Variants in VWA8 observed in about 807,000 individuals in gnomAD.
VWA8 encodes the protein von Willebrand factor A domain-containing protein 8.
Under a neutral mutation model 241.5 loss-of-function variants are expected in VWA8, and 221 were observed. The observed-to-expected ratio is 0.91, with a 90% CI of 0.82 to 1.02. VWA8 has a LOEUF of 1.02. Among genes scored for constraint, VWA8 ranks in the 50% least tolerant of loss-of-function variants. The pLI is 0.00. For missense variants in VWA8, 2,322 were observed against 2,328.7 expected (o/e 1.00, Z 0.06); for synonymous variants, 852 against 827.1 (o/e 1.03, Z -0.52).
At chr13:41,719,793 T>C in intron 25 of VWA8, 51 bp from the exon 26 acceptor site, 1 of 1,494,306 alleles carries the variant, frequency 6.7e-7, no homozygotes, top group Non-Finnish European at 9.1e-7. Context: ...ATATACAACA[T>C]TATAAAGATT....
At chr13:41,730,727 A>G (rs2137863202) in intron 22 of VWA8, among the ~76,000 whole-genome samples, 1 of 152,274 alleles carries the variant, frequency 6.6e-6, no homozygotes, top group South Asian at 2.1e-4. Context: ...TGAAAATCTC[A>G]AGATTTTTAA....
At chr13:41,698,030 A>G (rs2045226398) in intron 29 of VWA8, among the ~76,000 whole-genome samples, 3 of 152,042 alleles carry the variant, frequency 2.0e-5, no homozygotes, top group Admixed American at 6.6e-5. Context: ...TCACCTCTCT[A>G]AAATCTTTGT....
chr13:41,896,823 A>G (rs1166241362), intron 4 of VWA8, among the ~76,000 whole-genome samples: 1 of 152,188 alleles, frequency 6.6e-6, no homozygotes, highest in Non-Finnish European at 1.5e-5. Flanking sequence ...CAAAATGATA[A>G]GCTTATGGAG....
intron 28 of VWA8, among the ~76,000 whole-genome samples, chr13:41,699,498 A>C (rs1371122756): frequency 6.6e-6 from 1 of 152,170 alleles, no homozygotes; most frequent in Non-Finnish European, 1.5e-5. Flanking sequence ...TTGGTTATCT[A>C]TTTGTTCCCC....
intron 38 of VWA8, among the ~76,000 whole-genome samples, chr13:41,614,574 T>C (rs1042658589): frequency 2.0e-5 from 3 of 152,232 alleles, no homozygotes; most frequent in Non-Finnish European, 2.9e-5. Flanking sequence ...ATTTCTGGCA[T>C]GATCCCAAGG....
At chr13:41,855,378 A>C (rs1231688499) in intron 12 of VWA8, among the ~76,000 whole-genome samples, 2 of 145,754 alleles carry the variant, frequency 1.4e-5, no homozygotes, top group Non-Finnish European at 3.0e-5. Flanking sequence ...ATATTATATA[A>C]AATATATTTA....
In VWA8 at chr13:41,585,429, A is replaced by T. The variant is rs1326614719; in HGVS notation, c.5271+2083T>A. ...TTCCTAATGAATTTTCTTTCTAAAA[A>T]CTTGGGAGTATTTCACATGTCAGAG... On this transcript the variant is annotated intron_variant, in intron 42 of 44. Transcript: ENST00000379310. Among the ~76,000 whole-genome samples the T allele has an allele frequency of 3.1e-4, 45 of 146,916 alleles. No homozygotes were observed. The Admixed American group carries it at 3.2e-3, about 11-fold the overall frequency.
At chr13:41,806,573 C>T (rs920559238) in intron 17 of VWA8, among the ~76,000 whole-genome samples, 4 of 152,030 alleles carry the variant, frequency 2.6e-5, no homozygotes, top group Admixed American at 2.0e-4. Flanking sequence ...CATGGTGGCA[C>T]GTGCCTGTAG....
At chr13:41,873,965 A>G (rs1367512797) in intron 9 of VWA8, among the ~76,000 whole-genome samples, 3 of 152,238 alleles carry the variant, frequency 2.0e-5, no homozygotes, top group African/African-American at 7.2e-5. Context: ...ATCCAGCAGC[A>G]TATCAAAAAG....
At chr13:41,946,237 C>G (rs77454770) in intron 2 of VWA8, among the ~76,000 whole-genome samples, 5,979 of 151,578 alleles carry the variant, frequency 0.039, 186 homozygotes, top group Non-Finnish European at 0.061. Context: ...TGATAATTCA[C>G]CACTAGCAAA....
chr13:41,944,139 T>C (rs985404831), intron 2 of VWA8, among the ~76,000 whole-genome samples: 1 of 148,656 alleles, frequency 6.7e-6, no homozygotes, highest in South Asian at 2.1e-4. Context: ...TAATAATAAA[T>C]AAATAAACCA....
At chr13:41,959,625 T>TTTTTTTTTTTA (rs55893633) in intron 1 of VWA8, among the ~76,000 whole-genome samples, 4 of 134,166 alleles carry the variant, frequency 3.0e-5, no homozygotes, top group East Asian at 2.2e-4. Flanking sequence ...TTTTTTTTTT[T>TTTTTTTTTTTA]GAGATGGAGT....
At chr13:41,840,107 C>G (rs1189775833) in intron 12 of VWA8, among the ~76,000 whole-genome samples, 1 of 152,122 alleles carries the variant, frequency 6.6e-6, no homozygotes, top group African/African-American at 2.4e-5. Flanking sequence ...AGTTGTATTC[C>G]TAAGTATTTT....
chr13:41,829,569 G>GCACA (rs879895316), intron 14 of VWA8, among the ~76,000 whole-genome samples: 6 of 65,206 alleles, frequency 9.2e-5, no homozygotes, highest in South Asian at 6.0e-4. Flanking sequence ...ACACACACAT[G>GCACA]CACACACACA....
intron 3 of VWA8, among the ~76,000 whole-genome samples, chr13:41,910,603 A>AT (rs1322211360): frequency 2.0e-5 from 3 of 151,542 alleles, no homozygotes; most frequent in Admixed American, 2.0e-4. Flanking sequence ...AAAAAAAAAA[A>AT]ACAACAACAA....
At chr13:41,908,537 TAGG>T (rs983705351) in intron 3 of VWA8, among the ~76,000 whole-genome samples, 7 of 150,978 alleles carry the variant, frequency 4.6e-5, no homozygotes, top group African/African-American at 1.7e-4. Context: ...TGCATAGTTG[TAGG>T]AGAAGTAGAA....
intron 20 of VWA8, among the ~76,000 whole-genome samples, chr13:41,767,537 A>G (rs747918350): frequency 6.6e-6 from 1 of 152,246 alleles, no homozygotes; most frequent in Admixed American, 6.5e-5. Flanking sequence ...CTCTCAATAC[A>G]TATACATTAC....
At chr13:41,667,405 T>C (rs2137795806) in intron 37 of VWA8, among the ~76,000 whole-genome samples, 1 of 152,328 alleles carries the variant, frequency 6.6e-6, no homozygotes, top group African/African-American at 2.4e-5. Flanking sequence ...TGTGTGCTTA[T>C]TGTGTACCAG....
In VWA8 at chr13:41,804,131, G is replaced by T. The variant is rs77530360; in HGVS notation, c.2063+7094C>A. Among the ~76,000 whole-genome samples, 511 of 152,234 alleles carry T rather than the reference G, an allele frequency of 3.4e-3. 1 individual carries two copies. The highest frequency in any genetic ancestry group is 5.4e-3 in the Non-Finnish European group (365 of 67,998). ...ATCAGGGTAGAAGACTTATTCAAAGGCATAATAACAGAGAACTTCCCAAAC... is the reference window on the plus strand; with the variant it reads ...ATCAGGGTAGAAGACTTATTCAAAGTCATAATAACAGAGAACTTCCCAAAC... On this transcript the variant is annotated intron_variant, in intron 17 of 44. Coordinates refer to ENST00000379310, the MANE Select transcript of VWA8 (RefSeq NM_015058.2).
Sources: gnomAD v4.1 joint callset for allele counts (sites outside exome capture counted in the v4.1 genomes callset) on GRCh38, gnomAD v4.1.1 for gene constraint, MANE v1.5 for transcripts, NCBI Gene and HGNC (gene_info 2026-07-23, HGNC 2026-07-21) for gene names.